FGFR1: variants seen among roughly 807,000 people sequenced by gnomAD.
FGFR1 encodes FGFR1/PLAG1 fusion.
Under a neutral mutation model 93.7 loss-of-function variants are expected in FGFR1, and 18 were observed. The ratio of observed to expected loss-of-function variants is 0.19; its 90% CI spans 0.13 to 0.28. The LOEUF is 0.28. Among genes scored for constraint, FGFR1 ranks in the 10% least tolerant of loss-of-function variants. FGFR1 has a pLI of 1.00. For missense variants in FGFR1, 731 were observed against 1,080.4 expected, an observed-to-expected ratio of 0.68 and a Z score of 4.53; for synonymous variants, 448 against 429.3, an observed-to-expected ratio of 1.04 and a Z score of -0.54.
At chr8:38,434,250 A>G in intron 2 of FGFR1, 1 of 161,904 alleles carries the variant, frequency 6.2e-6, no homozygotes. Flanking sequence ...TCCTGGACTC[A>G]AGCAACCCAC....
Position 38,413,146 on chromosome 8 carries a change from T to A in FGFR1, c.*482A>T, listed in dbSNP as rs1436977496. On this transcript the variant is annotated 3_prime_UTR_variant, in exon 18 of 18. Coordinates refer to ENST00000447712, the MANE Select transcript of FGFR1 (RefSeq NM_023110.3). This position sits in a 1 kb window ranked among gnomAD's most constrained non-coding sequence, Gnocchi z 4.2. Reference sequence around the variant, plus strand: ...ATTAATAAGCCACTGGCACCACCTATCTGGGGCAGAGGTCACCTTCAATCG... The same window carrying A: ...ATTAATAAGCCACTGGCACCACCTAACTGGGGCAGAGGTCACCTTCAATCG... The A allele has an allele frequency of 8.3e-6, 2 of 242,216 alleles. No individual in the cohort carries two copies. Among genetic ancestry groups the A allele is most frequent in the Non-Finnish European group, 1.6e-5 (2 of 123,602 alleles). The allele number at this position is 242,216 out of a possible 1,614,324, so 15.0% of individuals were successfully genotyped here.
In FGFR1 at chr8:38,413,945, G is replaced by A. The variant is rs1267368926; in HGVS notation, c.2265C>T (p.Asp755=). 3.3e-5 allele frequency: 54 copies of A among 1,614,058 alleles called. No homozygotes were observed. Among genetic ancestry groups the A allele is most frequent in the Non-Finnish European group, 4.5e-5 (53 of 1,179,976 alleles). Residue 755 remains aspartate (D), a synonymous_variant, in exon 17 of 18, where the codon GAC becomes GAT. Transcript: ENST00000447712. This position sits in a 1 kb window ranked among gnomAD's most constrained non-coding sequence, Gnocchi z 4.2. ...PTFKQLVEDL[D]RIVALTSNQE... ...GGTTGGAGGTCAAGGCCACGATGCG[G>A]TCCAGGTCTTCCACCAGCTGCTTGA... is the stretch of plus-strand genomic sequence containing the variant.
chr8:38,463,476 T>C (rs1435330193), intron 1 of FGFR1: 1 of 214,766 alleles, frequency 4.7e-6, no homozygotes, highest in African/African-American at 2.3e-5. Context: ...CTTCATTCTC[T>C]TCTCTCCCCA....
chr8:38,424,805 A>C lies in FGFR1; in HGVS notation c.746-106T>G, dbSNP rs1586293140. Reference sequence around the variant, plus strand: ...TGGCTTTCCCAGTGATGGGTTGTAAACCTCCCAGCACTTCTGCTGAGCCCA... The same window carrying C: ...TGGCTTTCCCAGTGATGGGTTGTAACCCTCCCAGCACTTCTGCTGAGCCCA... On this transcript the variant is annotated intron_variant, in intron 6 of 17. Transcript: ENST00000447712. The surrounding 1 kb of genome is among the most constrained non-coding windows in gnomAD (Gnocchi z 4.3). The C allele has an allele frequency of 1.8e-6, 2 of 1,131,210 alleles. No individual in the cohort carries two copies. The highest frequency in any genetic ancestry group is 2.5e-5 in the East Asian group (1 of 40,604). 70.1% of individuals were successfully genotyped at this position (1,131,210 alleles called of 1,614,324 possible).
chr8:38,424,354 G>T lies in FGFR1; in HGVS notation c.936+155C>A. ...ACCTCTGTTACTAGTCCTGGGGGAT[G>T]TGGCTAGATCCCTACTGAGATGGAG... On this transcript the variant is annotated intron_variant, in intron 7 of 17. Coordinates refer to ENST00000447712, the MANE Select transcript of FGFR1 (RefSeq NM_023110.3). The surrounding 1 kb of genome is among the most constrained non-coding windows in gnomAD (Gnocchi z 4.3). 1.2e-6 allele frequency: 1 copy of T among 825,170 alleles called. No homozygotes were observed. The highest frequency in any genetic ancestry group is 2.1e-6 in the Non-Finnish European group (1 of 483,030). The allele number at this position is 825,170 out of a possible 1,614,324, so 51.1% of individuals were successfully genotyped here.
At position 38,419,528 on chromosome 8, in the gene FGFR1, CT is replaced by C; in HGVS notation, c.1284+4del. 1 of 1,613,894 alleles carries C rather than the reference CT, an allele frequency of 6.2e-7. No individual in the cohort carries two copies. Among genetic ancestry groups the C allele is most frequent in the Non-Finnish European group, 8.5e-7 (1 of 1,179,820 alleles). On this transcript the variant is annotated splice_donor_region_variant and intron_variant, in intron 9 of 17. Transcript: ENST00000447712. ...GCTGAGTGTGCAAATCCCCCATCTA[CT>C]TTCTGTTACCTGTCTGCGCAGAGGG...
intron 2 of FGFR1, chr8:38,430,216 G>A: frequency 1.9e-6 from 1 of 515,976 alleles, no homozygotes; most frequent in Non-Finnish European, 3.4e-6. Context: ...TTAGGAAGCA[G>A]CTGTAGCAGC....
intron 4 of FGFR1, 75 bp downstream of exon 4, chr8:38,428,271 C>T: frequency 2.0e-6 from 3 of 1,529,162 alleles, no homozygotes; most frequent in Non-Finnish European, 2.7e-6. Flanking sequence ...TCTTCCTCCC[C>T]TTTCAGCCTT....
chr8:38,458,286 A>C (rs1349748246), intron 1 of FGFR1, among the ~76,000 whole-genome samples: 1 of 152,110 alleles, frequency 6.6e-6, no homozygotes, highest in Admixed American at 6.5e-5. Context: ...CACACCTGCA[A>C]TCCCAGCACT....
At chr8:38,423,860 A>G (rs1281352536) in intron 7 of FGFR1, 1 of 170,436 alleles carries the variant, frequency 5.9e-6, no homozygotes, top group Admixed American at 5.7e-5. Flanking sequence ...CTAGGGGAGG[A>G]TGAGGTCTAA....
At chr8:38,464,510 T>C (rs1030490677) in intron 1 of FGFR1, among the ~76,000 whole-genome samples, 1 of 151,992 alleles carries the variant, frequency 6.6e-6, no homozygotes, top group African/African-American at 2.4e-5. Context: ...GAGAGATAAA[T>C]GGTGGCGAGG....
At chr8:38,419,942 G>C in intron 8 of FGFR1, 1 of 588,078 alleles carries the variant, frequency 1.7e-6, no homozygotes, top group Non-Finnish European at 3.0e-6. Context: ...ATGGACTTGA[G>C]CCATGGAAAA....
At chr8:38,423,114 T>C (rs2150781867) in intron 7 of FGFR1, 1 of 779,636 alleles carries the variant, frequency 1.3e-6, no homozygotes, top group East Asian at 2.4e-5. Context: ...CTCCCCGCTC[T>C]GGGCCTCTGT....
intron 2 of FGFR1, among the ~76,000 whole-genome samples, chr8:38,444,396 T>G (rs2151165478): frequency 1.3e-5 from 2 of 151,836 alleles, no homozygotes; most frequent in Middle Eastern, 3.4e-3. Flanking sequence ...GGTTTTTTTT[T>G]TTTTTTCTTT....
At position 38,428,372 on chromosome 8, in the gene FGFR1, G is replaced by C. The variant is rs200482627; in HGVS notation, c.422C>G (p.Thr141Arg). The C allele has an allele frequency of 3.0e-4, 483 of 1,614,016 alleles. No individual in the cohort carries two copies. Among genetic ancestry groups the C allele is most frequent in the Non-Finnish European group, 3.8e-4 (452 of 1,180,030 alleles). Residue 141 changes from threonine to arginine, a missense_variant, in exon 4 of 18, where the codon ACA becomes AGA. By Grantham distance (71) the Thr-to-Arg change is moderately conservative. Transcript: ENST00000447712. ...CATACGGTTTGGTTTGGTGTTATCT[G>C]TTTCTTTCTCCTCTGAAGAGGAGTC... ...DDDSSSEEKE[T>R]DNTKPNRMPV...
Position 38,416,115 on chromosome 8 carries a change from T to G in FGFR1, c.1664-55A>C. 4 of 1,524,396 alleles carry G rather than the reference T, an allele frequency of 2.6e-6. No individual in the cohort carries two copies. In the Admixed American group the frequency reaches 7.5e-5, roughly 29 times the overall value. 94.4% of individuals were successfully genotyped at this position (1,524,396 alleles called of 1,614,324 possible). ...CCAGCAGCAGGTGAGCAGGTTTGGCTTCACCTCAAAGAAACCCCACCCCCA... is the reference window on the plus strand; with the variant it reads ...CCAGCAGCAGGTGAGCAGGTTTGGCGTCACCTCAAAGAAACCCCACCCCCA... On this transcript the variant is annotated intron_variant, in intron 12 of 17. Coordinates refer to ENST00000447712, the MANE Select transcript of FGFR1 (RefSeq NM_023110.3).
At chr8:38,434,329 C>CTTT (rs57569029) in intron 2 of FGFR1, 4 of 113,848 alleles carry the variant, frequency 3.5e-5, no homozygotes, top group South Asian at 1.9e-4. Context: ...ATTGCTGCTG[C>CTTT]TTTTTTTTTT....
chr8:38,450,484 C>T (rs1291740575), intron 2 of FGFR1, among the ~76,000 whole-genome samples: 2 of 152,164 alleles, frequency 1.3e-5, no homozygotes, highest in Non-Finnish European at 1.5e-5. Flanking sequence ...CGGATAATGA[C>T]TCCCCAGGAC....
chr8:38,421,903 C>A lies in FGFR1; in HGVS notation c.975G>T (p.Val325=). Residue 325 remains valine (V), a synonymous_variant, in exon 8 of 18, where the codon GTG becomes GTT. Transcript: ENST00000447712. ...CAAAGGAGACATTTCTTAAGTGAAG[C>A]ACCTCCATCTCTTTGTCGGTGGTAT... ...GVNTTDKEME[V]LHLRNVSFED... 1 of 1,614,194 alleles carries A rather than the reference C, an allele frequency of 6.2e-7. No homozygotes were observed. The highest frequency in any genetic ancestry group is 1.1e-5 in the South Asian group (1 of 91,080).
Sources: allele counts gnomAD v4.1 joint callset (sites outside exome capture counted in the v4.1 genomes callset), GRCh38; gene constraint gnomAD v4.1.1; non-coding constraint Gnocchi (gnomAD v3.1); transcripts MANE v1.5; gene names NCBI Gene and HGNC (gene_info 2026-07-23, HGNC 2026-07-21).